KIF20B: variants seen among roughly 807,000 people sequenced by gnomAD.
KIF20B encodes kinesin family member 20B, also known as kinesin-like protein KIF20B.
A neutral mutation model predicts 232.5 loss-of-function variants in KIF20B; 188 were observed. That is an observed-to-expected ratio of 0.81 (90% CI 0.72 to 0.91). The LOEUF (loss-of-function observed/expected upper bound fraction) is 0.91. Among genes scored for constraint, KIF20B ranks in the 40% least tolerant of loss-of-function variants. The pLI, the probability that KIF20B is intolerant of heterozygous loss-of-function variation, is 0.00. For missense variants in KIF20B, 2,154 were observed against 2,055.9 expected (o/e 1.05, Z -0.92); for synonymous variants, 712 against 683.0 (o/e 1.04, Z -0.66).
chr10:89,725,186 T>C, intron 15 of KIF20B, 28 bp downstream of exon 15: 1 of 1,609,080 alleles, frequency 6.2e-7, no homozygotes. Flanking sequence ...TTTAAAAATA[T>C]CCAGTGAGGT....
chr10:89,704,502 ATTTTACT>A (rs1432650336), intron 1 of KIF20B, among the ~76,000 whole-genome samples: 1 of 151,458 alleles, frequency 6.6e-6, no homozygotes, highest in African/African-American at 2.4e-5. Context: ...TACATATATT[ATTTTACT>A]TTTTACTTGA....
chr10:89,752,494 C>T, intron 24 of KIF20B, 73 bp from the exon 25 acceptor site: 1 of 1,095,238 alleles, frequency 9.1e-7, no homozygotes, highest in Non-Finnish European at 1.3e-6. Context: ...GTCTGTAGCC[C>T]ATGTCAAGTG....
Position 89,728,945 on chromosome 10 carries a change from G to GTGTGTGTA in KIF20B, c.2272-180_2272-179insGTGTATGT, listed in dbSNP as rs1443278085. 2.2e-3 allele frequency among the ~76,000 whole-genome samples: 168 copies of GTGTGTGTA among 75,510 alleles called. 1 individual carries two copies. The highest frequency in any genetic ancestry group is 0.011 in the African/African-American group (158 of 14,472). 49.5% of individuals were successfully genotyped at this position (75,510 alleles called of 152,430 possible). A position where few individuals can be genotyped will look rare whatever the true frequency, so the allele number is the denominator to read the frequency against. On this transcript the variant is annotated intron_variant, in intron 17 of 32. Transcript: ENST00000371728. ...TGTGTGTGTGTGTGTGTGTGTGTGT[G>GTGTGTGTA]TGTATGTAATTTTTTTAAAGGCAAA...
At chr10:89,744,648 C>T (rs1056976073) in intron 22 of KIF20B, among the ~76,000 whole-genome samples, 2 of 151,930 alleles carry the variant, frequency 1.3e-5, no homozygotes, top group Non-Finnish European at 2.9e-5. Flanking sequence ...AGGCAAAATC[C>T]CTTTATTGTA....
intron 9 of KIF20B, among the ~76,000 whole-genome samples, chr10:89,716,784 T>G (rs1842943769): frequency 6.6e-6 from 1 of 152,208 alleles, no homozygotes; most frequent in Non-Finnish European, 1.5e-5. Context: ...ACTCTTTCTT[T>G]ATGTCAGTAT....
chr10:89,763,438 G>A (rs1842287262), intron 29 of KIF20B, among the ~76,000 whole-genome samples: 1 of 152,138 alleles, frequency 6.6e-6, no homozygotes, highest in African/African-American at 2.4e-5. Context: ...TTCATACTTA[G>A]TCACTTTCCC....
chr10:89,733,830 A>G (rs531569447), intron 19 of KIF20B, among the ~76,000 whole-genome samples: 12 of 152,344 alleles, frequency 7.9e-5, no homozygotes, highest in African/African-American at 2.9e-4. Context: ...TCTGTATTGA[A>G]GAAAAGAGAT....
intron 13 of KIF20B, among the ~76,000 whole-genome samples, chr10:89,720,463 C>A (rs534005701): frequency 2.0e-5 from 3 of 152,226 alleles, no homozygotes; most frequent in Admixed American, 2.0e-4. Flanking sequence ...ATCTGTATTG[C>A]AAAACCATAT....
intron 24 of KIF20B, 57 bp downstream of exon 24, chr10:89,751,528 T>G: frequency 6.7e-7 from 1 of 1,501,494 alleles, no homozygotes; most frequent in Admixed American, 2.2e-5. Flanking sequence ...AAAAAAAATT[T>G]CCTAGATTTC....
At chr10:89,705,155 A>G (rs550934210) in intron 1 of KIF20B, 139 bp from the exon 2 acceptor site, 3 of 686,686 alleles carry the variant, frequency 4.4e-6, no homozygotes, top group Admixed American at 2.4e-5. Context: ...GCATTGTGTT[A>G]TAAATGAAGC....
At chr10:89,753,682 G>A (rs558778421) in intron 25 of KIF20B, among the ~76,000 whole-genome samples, 158 of 152,170 alleles carry the variant, frequency 1.0e-3, no homozygotes, top group African/African-American at 3.6e-3. Flanking sequence ...GTGCAGTGAC[G>A]TGATCTCGGC....
chr10:89,754,114 T>C (rs954856016), intron 25 of KIF20B, among the ~76,000 whole-genome samples: 1 of 151,082 alleles, frequency 6.6e-6, no homozygotes. Context: ...TATTTTTTAT[T>C]TGGCATCTCG....
intron 26 of KIF20B, among the ~76,000 whole-genome samples, chr10:89,757,055 TATATATATATATATAC>T (rs1448165713): frequency 2.9e-5 from 4 of 136,456 alleles, no homozygotes; most frequent in East Asian, 3.8e-4. Flanking sequence ...TATATATATA[TATATATATATATATAC>T]ACACATGACA....
intron 13 of KIF20B, among the ~76,000 whole-genome samples, chr10:89,721,407 C>A (rs1843053827): frequency 6.6e-6 from 1 of 152,094 alleles, no homozygotes; most frequent in East Asian, 1.9e-4. Context: ...TGCAGTGGCT[C>A]ACACCTGTAA....
chr10:89,722,119 G>T (rs542718918), intron 13 of KIF20B, among the ~76,000 whole-genome samples: 2 of 152,168 alleles, frequency 1.3e-5, no homozygotes, highest in Admixed American at 6.5e-5. Flanking sequence ...TTGCTCTATT[G>T]CCCAGGCTGA....
rs150890799 is a variant in KIF20B at position 89,717,477 on chromosome 10, G to A, written c.1106G>A (p.Arg369His). 407 of 1,597,852 alleles carry A rather than the reference G, an allele frequency of 2.5e-4. 2 individuals carry two copies. In the Middle Eastern group the frequency reaches 6.7e-3, roughly 26 times the overall value. ...ILQIEDSEMS[R>H]VIRVSELSLC... is the part of the protein sequence containing the mutation. ...CAGATTGAAGATTCTGAAATGTCTC[G>A]TGTAATTCGAGTCAGTGAGTAAGTT... The change falls in exon 10 of 33, where the codon CGT becomes CAT. Residue 369 changes from arginine (R) to histidine (H), a missense_variant. Arg to His is a conservative substitution (Grantham distance 29). Coordinates refer to ENST00000371728, the MANE Select transcript of KIF20B (RefSeq NM_001284259.2).
chr10:89,771,948 CT>C (rs1365299036), intron 31 of KIF20B, among the ~76,000 whole-genome samples: 3 of 151,970 alleles, frequency 2.0e-5, no homozygotes, highest in African/African-American at 7.2e-5. Context: ...GTTGTCTTAA[CT>C]GGCTTCTCCG....
intron 2 of KIF20B, among the ~76,000 whole-genome samples, chr10:89,705,884 A>G (rs1021967929): frequency 6.6e-6 from 1 of 152,208 alleles, no homozygotes; most frequent in South Asian, 2.1e-4. Flanking sequence ...ATTGCTAAAT[A>G]GTTGTCTGTT....
In KIF20B at chr10:89,733,780, A is replaced by T. The variant is rs1043666273; in HGVS notation, c.2545+724A>T. On this transcript the variant is annotated intron_variant, in intron 19 of 32. Coordinates refer to ENST00000371728, the MANE Select transcript of KIF20B (RefSeq NM_001284259.2). ...TCTTTGAGGCTGGACAGTGTAAATT[A>T]TACATAATAAAACCTTGTCCACTGA... Among the ~76,000 whole-genome samples, 7 of 152,230 alleles carry T rather than the reference A, an allele frequency of 4.6e-5. No individual in the cohort carries two copies. The East Asian group carries it at 1.2e-3, about 25-fold the overall frequency.
Sources: gnomAD v4.1 joint callset for allele counts (sites outside exome capture counted in the v4.1 genomes callset) on GRCh38, gnomAD v4.1.1 for gene constraint, MANE v1.5 for transcripts, NCBI Gene and HGNC (gene_info 2026-07-23, HGNC 2026-07-21) for gene names.